Variants in TEX26 observed in about 807,000 individuals in gnomAD.
TEX26 encodes the protein testis expressed 26.
TEX26 carries 34 observed loss-of-function variants against 35.3 expected under a neutral mutation model. That is an observed-to-expected ratio of 0.96 (90% CI 0.73 to 1.28). The LOEUF is 1.28. TEX26 is among the 50% of genes most tolerant of loss of function. The pLI, the probability that TEX26 is intolerant of heterozygous loss-of-function variation, is 0.00. For synonymous variants in TEX26, 136 were observed against 111.8 expected (o/e 1.22, Z -1.36); for missense variants, 371 against 330.1 (o/e 1.12, Z -0.96).
At chr13:30,942,680 T>G (rs913923574) in intron 2 of TEX26, among the ~76,000 whole-genome samples, 1 of 151,926 alleles carries the variant, frequency 6.6e-6, no homozygotes, top group Non-Finnish European at 1.5e-5. Context: ...TGTCTTGAGT[T>G]GATTTTTATA....
intron 5 of TEX26, among the ~76,000 whole-genome samples, chr13:30,967,414 A>G (rs1391608169): frequency 6.6e-6 from 1 of 152,124 alleles, no homozygotes; most frequent in African/African-American, 2.4e-5. Flanking sequence ...TCGTTGTCTG[A>G]TGCTCCAACT....
chr13:30,974,653 C>T (rs925327108), intron 6 of TEX26, among the ~76,000 whole-genome samples, 193 bp from the exon 7 acceptor site: 3 of 152,182 alleles, frequency 2.0e-5, no homozygotes, highest in African/African-American at 4.8e-5. Flanking sequence ...ATTAAGTTTA[C>T]TCTTCTTAAT....
intron 2 of TEX26, among the ~76,000 whole-genome samples, chr13:30,942,000 G>C (rs566585439): frequency 1.3e-5 from 2 of 152,072 alleles, no homozygotes; most frequent in East Asian, 1.9e-4. Context: ...TTAATAAAAT[G>C]ACTCCTTTTC....
intron 2 of TEX26, among the ~76,000 whole-genome samples, chr13:30,948,603 T>A (rs1240232972): frequency 6.6e-6 from 1 of 152,216 alleles, no homozygotes; most frequent in Non-Finnish European, 1.5e-5. Context: ...TTTTTTCTTG[T>A]AAATTTGTTT....
In TEX26 at chr13:30,966,348, G is replaced by A. The variant is rs138250914; in HGVS notation, c.596G>A (p.Ser199Asn). 4.4e-6 allele frequency: 7 copies of A among 1,607,714 alleles called. No individual in the cohort carries two copies. The African/African-American group carries it at 6.7e-5, about 15-fold the overall frequency. Residue 199 changes from serine to asparagine, a missense_variant, in exon 5 of 7, where the codon AGT becomes AAT. Physicochemically the swap from Ser to Asn is conservative, Grantham distance 46 (BLOSUM62 1). Coordinates refer to ENST00000380473, the MANE Select transcript of TEX26 (RefSeq NM_152325.3). ...AAAATTCCTGAGCTTCAAGATTTCA[G>A]TTTCAAATATGGATGCTACTCAAGC... The part of the protein sequence containing the change: ...PAKIPELQDF[S>N]FKYGCYSSLP...
At chr13:30,936,183 AATAAT>A (rs1953266630) in intron 1 of TEX26, among the ~76,000 whole-genome samples, 1 of 152,230 alleles carries the variant, frequency 6.6e-6, no homozygotes, top group Non-Finnish European at 1.5e-5. Flanking sequence ...GAGGGAATAA[AATAAT>A]ATATGTGAAA....
At position 30,975,044 on chromosome 13, in the gene TEX26, T is replaced by C. The variant is rs1442019017; in HGVS notation, c.*137T>C. ...ATGATGTGATAGTCATGAATTTGTGTCTTTTGCTCCGCTTTATTTTTAAAC... is the reference window on the plus strand; with the variant it reads ...ATGATGTGATAGTCATGAATTTGTGCCTTTTGCTCCGCTTTATTTTTAAAC... On this transcript the variant is annotated 3_prime_UTR_variant, in exon 7 of 7. Coordinates refer to ENST00000380473, the MANE Select transcript of TEX26 (RefSeq NM_152325.3). 5.2e-6 allele frequency: 3 copies of C among 573,756 alleles called. No homozygotes were observed. Among genetic ancestry groups the C allele is most frequent in the Middle Eastern group, 3.7e-4 (1 of 2,672 alleles). The allele number at this position is 573,756 out of a possible 1,614,324, so 35.5% of individuals were successfully genotyped here.
intron 2 of TEX26, among the ~76,000 whole-genome samples, chr13:30,951,518 TAA>T (rs544858816): frequency 2.6e-5 from 4 of 151,904 alleles, no homozygotes; most frequent in Admixed American, 2.0e-4. Flanking sequence ...AGCCCTTTTT[TAA>T]AAAAAAGTCA....
At chr13:30,952,631 ACT>A in intron 2 of TEX26, 27 bp from the exon 3 acceptor site, 1 of 1,549,346 alleles carries the variant, frequency 6.5e-7, no homozygotes, top group South Asian at 1.3e-5. Flanking sequence ...TTAACCTCTA[ACT>A]CTAATTTCTG....
At chr13:30,934,328 A>T (rs1046610181) in intron 1 of TEX26, among the ~76,000 whole-genome samples, 2 of 152,160 alleles carry the variant, frequency 1.3e-5, no homozygotes, top group African/African-American at 4.8e-5. Flanking sequence ...GGTAGGCTTG[A>T]TGTGTCCCCA....
intron 4 of TEX26, among the ~76,000 whole-genome samples, chr13:30,961,429 G>A (rs934834970): frequency 6.6e-6 from 1 of 152,238 alleles, no homozygotes; most frequent in Non-Finnish European, 1.5e-5. Flanking sequence ...GTTCTGTAGT[G>A]TGGGTTACCT....
chr13:30,969,166 C>CAAAA (rs35969747), intron 6 of TEX26, 120 bp downstream of exon 6: 44 of 603,668 alleles, frequency 7.3e-5, no homozygotes, highest in Admixed American at 1.1e-4. Flanking sequence ...AACATTGCCT[C>CAAAA]AAAAAAAAAA....
intron 2 of TEX26, among the ~76,000 whole-genome samples, chr13:30,947,081 A>C (rs1953737487): frequency 6.6e-6 from 1 of 152,156 alleles, no homozygotes. Flanking sequence ...AATTGAAATT[A>C]ATTTTTAAAC....
chr13:30,938,251 T>G (rs1328423068), intron 1 of TEX26, among the ~76,000 whole-genome samples: 1 of 152,202 alleles, frequency 6.6e-6, no homozygotes, highest in South Asian at 2.1e-4. Flanking sequence ...TTGGTGGTAC[T>G]TCGTTGACAA....
intron 1 of TEX26, among the ~76,000 whole-genome samples, chr13:30,935,691 C>T (rs538884574): frequency 1.3e-5 from 2 of 152,372 alleles, no homozygotes; most frequent in East Asian, 3.9e-4. Context: ...AGGAGCTACG[C>T]TGCCTAGGGC....
At chr13:30,934,860 C>G (rs1421833899) in intron 1 of TEX26, among the ~76,000 whole-genome samples, 2 of 152,176 alleles carry the variant, frequency 1.3e-5, no homozygotes, top group Non-Finnish European at 2.9e-5. Context: ...TGGGTCTGAG[C>G]CTCCCTGTGC....
chr13:30,966,137 C>G, intron 4 of TEX26, 85 bp from the exon 5 acceptor site: 1 of 1,456,732 alleles, frequency 6.9e-7, no homozygotes, highest in Non-Finnish European at 9.5e-7. Flanking sequence ...GGCACATTGA[C>G]CATACCTCTA....
At chr13:30,935,803 CTT>C (rs1244826275) in intron 1 of TEX26, among the ~76,000 whole-genome samples, 45 of 152,246 alleles carry the variant, frequency 3.0e-4, no homozygotes, top group Non-Finnish European at 1.6e-4. Flanking sequence ...CTTCTTCACT[CTT>C]CACTTGTCTG....
intron 5 of TEX26, among the ~76,000 whole-genome samples, chr13:30,967,678 T>C (rs1052316445): frequency 1.3e-5 from 2 of 152,244 alleles, no homozygotes; most frequent in African/African-American, 2.4e-5. Flanking sequence ...TCCCTGGAGC[T>C]GGAAGGTGTT....
Sources: allele counts gnomAD v4.1 joint callset (sites outside exome capture counted in the v4.1 genomes callset), GRCh38; gene constraint gnomAD v4.1.1; transcripts MANE v1.5; gene names NCBI Gene and HGNC (gene_info 2026-07-23, HGNC 2026-07-21).